The following DNAH17 variants were observed in gnomAD, a reference collection of about 807,000 sequenced individuals.
DNAH17 encodes dynein axonemal heavy chain 17, also known as axonemal beta dynein heavy chain 17.
Under a neutral mutation model 485.6 loss-of-function variants are expected in DNAH17, and 376 were observed. The ratio of observed to expected loss-of-function variants is 0.77; its 90% CI spans 0.71 to 0.84. The LOEUF is 0.84. Ranked by LOEUF, DNAH17 falls within the 40% of genes least tolerant of loss-of-function variation. The pLI is 0.00. For synonymous variants in DNAH17, 3,031 were observed against 2,405.9 expected (o/e 1.26, Z -7.60); for missense variants, 6,370 against 5,839.3 (o/e 1.09, Z -2.96).
At chr17:78,553,283 G>GGTTTTTTTTTTT (rs2091944708) in intron 14 of DNAH17, among the ~76,000 whole-genome samples, 3 of 51,034 alleles carry the variant, frequency 5.9e-5, no homozygotes, top group African/African-American at 9.0e-5. Context: ...AGGTTTTTGT[G>GGTTTTTTTTTTT]TTTTTTTTTT....
At chr17:78,485,497 G>T in intron 47 of DNAH17, 53 bp downstream of exon 47, 1 of 1,514,090 alleles carries the variant, frequency 6.6e-7, no homozygotes, top group South Asian at 1.2e-5. Context: ...AGGAGGGAAC[G>T]GGGACTGGCG....
intron 76 of DNAH17, 72 bp downstream of exon 76, chr17:78,429,047 TTG>T: frequency 6.0e-6 from 9 of 1,510,876 alleles, no homozygotes; most frequent in Non-Finnish European, 8.2e-6. Flanking sequence ...GACACTCCAT[TTG>T]TGCTGGCAGG....
At chr17:78,567,982 G>A (rs1055687372) in intron 9 of DNAH17, among the ~76,000 whole-genome samples, 1 of 152,136 alleles carries the variant, frequency 6.6e-6, no homozygotes, top group Non-Finnish European at 1.5e-5. Flanking sequence ...TGGTGCTGAG[G>A]TTGGTGCTAT....
intron 62 of DNAH17, 54 bp downstream of exon 62, chr17:78,458,511 G>C: frequency 6.7e-7 from 1 of 1,483,102 alleles, no homozygotes; most frequent in Non-Finnish European, 9.4e-7. Context: ...GTGTGGGCTT[G>C]TCCCTTTCAG....
At chr17:78,510,289 G>C in intron 27 of DNAH17, 95 bp downstream of exon 27, 10 of 1,553,934 alleles carry the variant, frequency 6.4e-6, no homozygotes, top group Non-Finnish European at 7.9e-6. Context: ...GAGAGCCTTG[G>C]GGCTGCAGGA....
Position 78,444,601 on chromosome 17 carries a change from C to A in DNAH17, c.11528+3G>T. Reference sequence around the variant, plus strand: ...GGGGCCCCCGGCGCGGCGGGACACTCACTTGATAGCGTAGGTCATGCGATC... The same window carrying A: ...GGGGCCCCCGGCGCGGCGGGACACTAACTTGATAGCGTAGGTCATGCGATC... On this transcript the variant is annotated splice_donor_region_variant and intron_variant, in intron 71 of 80. Coordinates refer to ENST00000389840, the MANE Select transcript of DNAH17 (RefSeq NM_173628.4). 6.4e-7 allele frequency: 1 copy of A among 1,552,222 alleles called. No individual in the cohort carries two copies. Among genetic ancestry groups the A allele is most frequent in the South Asian group, 1.2e-5 (1 of 84,350 alleles).
At chr17:78,463,567 C>T (rs1598494417) in intron 56 of DNAH17, among the ~76,000 whole-genome samples, 1 of 152,204 alleles carries the variant, frequency 6.6e-6, no homozygotes, top group African/African-American at 2.4e-5. Flanking sequence ...CACATATACA[C>T]ATGCACACAC....
chr17:78,485,228 C>G, intron 47 of DNAH17, 195 bp from the exon 48 acceptor site: 1 of 715,476 alleles, frequency 1.4e-6, no homozygotes, highest in Non-Finnish European at 2.2e-6. Context: ...ACAGAGCGAT[C>G]AGAGGCGAGG....
intron 50 of DNAH17, 56 bp downstream of exon 50, chr17:78,479,429 G>A (rs1201953762): frequency 2.0e-6 from 3 of 1,531,678 alleles, no homozygotes; most frequent in Non-Finnish European, 1.7e-6. Context: ...AGAACCATCA[G>A]CCCACAGAGC....
chr17:78,551,052 C>A (rs1047033582), intron 16 of DNAH17, among the ~76,000 whole-genome samples: 2 of 152,018 alleles, frequency 1.3e-5, no homozygotes, highest in Non-Finnish European at 2.9e-5. Flanking sequence ...AACCTCATCT[C>A]CACTAAAAAA....
In DNAH17 at chr17:78,527,021, G is replaced by A. The variant is rs767153414; in HGVS notation, c.3508-25C>T. On this transcript the variant is annotated intron_variant, in intron 22 of 80. Transcript: ENST00000389840. ...CCTGCGGGAAGCAAAGGCAGAGGAGGGCTCCTTTCTCATTTCTTTTCTTAA... is the reference window on the plus strand; with the variant it reads ...CCTGCGGGAAGCAAAGGCAGAGGAGAGCTCCTTTCTCATTTCTTTTCTTAA... The A allele has an allele frequency of 2.0e-6, 3 of 1,510,190 alleles. No homozygotes were observed. The South Asian group carries it at 3.7e-5, about 18-fold the overall frequency. The allele number at this position is 1,510,190 out of a possible 1,614,324, so 93.5% of individuals were successfully genotyped here.
chr17:78,490,486 G>A lies in DNAH17; in HGVS notation c.6818+213C>T, dbSNP rs192154361. On this transcript the variant is annotated intron_variant, in intron 44 of 80. Coordinates refer to ENST00000389840, the MANE Select transcript of DNAH17 (RefSeq NM_173628.4). ...TCCCTGGCACTTTGTGCAAACATCCGTTTGCTCAGCTGCCCTGCCTCGTGT... is the reference window on the plus strand; with the variant it reads ...TCCCTGGCACTTTGTGCAAACATCCATTTGCTCAGCTGCCCTGCCTCGTGT... Among the ~76,000 whole-genome samples the A allele has an allele frequency of 4.6e-3, 704 of 152,292 alleles. 7 individuals are homozygous for A. The highest frequency in any genetic ancestry group is 0.016 in the African/African-American group (674 of 41,568).
chr17:78,566,788 C>T (rs545108244), intron 10 of DNAH17, 58 bp from the exon 11 acceptor site: 3 of 1,412,012 alleles, frequency 2.1e-6, no homozygotes, highest in African/African-American at 2.8e-5. Flanking sequence ...GCCAAGGGCA[C>T]CCTCTCCAGC....
intron 19 of DNAH17, among the ~76,000 whole-genome samples, chr17:78,534,951 G>A (rs1302146604): frequency 2.0e-5 from 3 of 152,144 alleles, no homozygotes; most frequent in African/African-American, 7.2e-5. Context: ...CTGGGAAGTG[G>A]CCCTGGGACC....
At chr17:78,468,970 C>T (rs1254495361) in intron 54 of DNAH17, 87 bp from the exon 55 acceptor site, 10 of 1,480,748 alleles carry the variant, frequency 6.8e-6, no homozygotes, top group Admixed American at 2.2e-5. Context: ...AGCACAGGGC[C>T]ATTTTTTCTT....
intron 1 of DNAH17, among the ~76,000 whole-genome samples, chr17:78,576,618 G>T (rs1442830506): frequency 6.6e-6 from 1 of 152,138 alleles, no homozygotes; most frequent in Admixed American, 6.5e-5. Flanking sequence ...ATTTCCTAGG[G>T]GGATCAGGAA....
rs1336310055 is a variant in DNAH17 at position 78,569,188 on chromosome 17, A to C, written c.1262T>G (p.Phe421Cys). 6.2e-6 allele frequency: 10 copies of C among 1,606,694 alleles called. No individual in the cohort carries two copies. The East Asian group carries it at 8.9e-5, about 14-fold the overall frequency. Residue 421 changes from phenylalanine to cysteine, a missense_variant, in exon 9 of 81, where the codon TTC becomes TGC. By Grantham distance (205) the Phe-to-Cys change is radical (BLOSUM62 -2). Coordinates refer to ENST00000389840, the MANE Select transcript of DNAH17 (RefSeq NM_173628.4). ...TACCTCAATGGTCTGGATGCGCTGG[A>C]AGAAGGAATTTATCCTGGAAAAGGC... ...SLAFSRINSF[F>C]QRIQTIEELY...
At chr17:78,435,042 G>A (rs2086812007) in intron 74 of DNAH17, among the ~76,000 whole-genome samples, 2 of 152,164 alleles carry the variant, frequency 1.3e-5, no homozygotes, top group South Asian at 4.1e-4. Context: ...CTGGCAACAT[G>A]GACAAGAAGG....
At chr17:78,449,700 C>CAAA in intron 68 of DNAH17, 116 bp from the exon 69 acceptor site, 1 of 1,103,612 alleles carries the variant, frequency 9.1e-7, no homozygotes, top group Non-Finnish European at 1.3e-6. Flanking sequence ...TTCTTTGAGA[C>CAAA]AGAGTCTTGC....
Sources: allele counts gnomAD v4.1 joint callset (sites outside exome capture counted in the v4.1 genomes callset), GRCh38; gene constraint gnomAD v4.1.1; transcripts MANE v1.5; gene names NCBI Gene and HGNC (gene_info 2026-07-23, HGNC 2026-07-21).